Variants in SGK1 observed in about 807,000 individuals in gnomAD.
SGK1 encodes serine/threonine-protein kinase Sgk1.
Under a neutral mutation model 64.2 loss-of-function variants are expected in SGK1, and 26 were observed. That is an observed-to-expected ratio of 0.40 (90% confidence interval 0.30 to 0.56). The LOEUF is 0.56. SGK1 is among the 20% of genes least tolerant of loss of function. SGK1 has a pLI of 0.38. For synonymous variants in SGK1, 265 were observed against 239.7 expected (o/e 1.11, Z -0.98); for missense variants, 519 against 645.6 (o/e 0.80, Z 2.12).
chr6:134,253,649 T>C (rs1776638654), intron 2 of SGK1, among the ~76,000 whole-genome samples: 1 of 152,170 alleles, frequency 6.6e-6, no homozygotes, highest in East Asian at 1.9e-4. Context: ...TGAGACCTTG[T>C]CTCAAAAAAA....
intron 3 of SGK1, among the ~76,000 whole-genome samples, chr6:134,199,516 G>A (rs1424535248): frequency 1.2e-4 from 16 of 133,574 alleles, no homozygotes; most frequent in South Asian, 7.2e-4. Context: ...CTGAGATTGC[G>A]TCACTGCACT....
At position 134,316,656 on chromosome 6, in the gene SGK1, TGAA is replaced by T. The variant is rs1470468788; in HGVS notation, c.69+733_69+735del. 3.4e-5 allele frequency among the ~76,000 whole-genome samples: 5 copies of T among 147,228 alleles called. No individual in the cohort carries two copies. The East Asian group carries it at 1.0e-3, about 30-fold the overall frequency. On this transcript the variant is annotated intron_variant, in intron 1 of 13. Transcript: ENST00000367858. ...ATGCAACATTATTCATACTTTGAGT[TGAA>T]GAATAAGGAGTTTAAGAAATAAATG...
chr6:134,235,114 G>A lies in SGK1; in HGVS notation c.285+26819C>T, dbSNP rs548896935. Reference sequence around the variant, plus strand: ...TTATCATCGCTGAGTATAAAACAAGGGAAACAGGCTTGGTGTGTAGCATAA... The same window carrying A: ...TTATCATCGCTGAGTATAAAACAAGAGAAACAGGCTTGGTGTGTAGCATAA... On this transcript the variant is annotated intron_variant, in intron 2 of 13. Transcript: ENST00000367858. 3.9e-5 allele frequency among the ~76,000 whole-genome samples: 6 copies of A among 152,284 alleles called. 1 individual carries two copies. The highest frequency in any genetic ancestry group is 1.4e-4 in the African/African-American group (6 of 41,552).
chr6:134,252,764 A>G (rs899373852), intron 2 of SGK1, among the ~76,000 whole-genome samples: 14 of 152,242 alleles, frequency 9.2e-5, no homozygotes, highest in African/African-American at 3.1e-4. Context: ...TTAGTGAAAA[A>G]TAAGGACTAT....
chr6:134,183,685 G>A (rs923799607), intron 3 of SGK1, among the ~76,000 whole-genome samples: 23 of 152,102 alleles, frequency 1.5e-4, no homozygotes, highest in African/African-American at 5.6e-4. Flanking sequence ...AGTGAGGAAT[G>A]TGCTGGAAAG....
At position 134,204,482 on chromosome 6, in the gene SGK1, A is replaced by G. The variant is rs1775736259; in HGVS notation, c.361+2874T>C. On this transcript the variant is annotated intron_variant, in intron 3 of 13. Coordinates refer to ENST00000367858, the MANE Select transcript of SGK1 (RefSeq NM_001143676.3). ...AAGACTCCATCTCAGGAAAAAAAAA[A>G]AAAAAAAAGAGTAAGTCTGAAATAT... Among the ~76,000 whole-genome samples, 3 of 151,124 alleles carry G rather than the reference A, an allele frequency of 2.0e-5. No individual in the cohort carries two copies. In the South Asian group the frequency reaches 6.2e-4, roughly 31 times the overall value.
At chr6:134,221,567 C>T (rs897881497) in intron 2 of SGK1, among the ~76,000 whole-genome samples, 1 of 152,092 alleles carries the variant, frequency 6.6e-6, no homozygotes, top group African/African-American at 2.4e-5. Flanking sequence ...ATGACACTTA[C>T]CTCCTAATAA....
Position 134,252,650 on chromosome 6 carries a change from A to G in SGK1, c.285+9283T>C, listed in dbSNP as rs9373087. Reference sequence around the variant, plus strand: ...AAAAAAAAAAAAAAAAGCCGCAGACAGGATTGTAAGGTAATTTAAATCTAC... The same window carrying G: ...AAAAAAAAAAAAAAAAGCCGCAGACGGGATTGTAAGGTAATTTAAATCTAC... On this transcript the variant is annotated intron_variant, in intron 2 of 13. Transcript: ENST00000367858. Among the ~76,000 whole-genome samples the G allele has an allele frequency of 5.5e-3, 817 of 148,206 alleles. 18 individuals carry two copies. Among genetic ancestry groups the G allele is most frequent in the East Asian group, 0.05 (243 of 4,894 alleles).
intron 2 of SGK1, among the ~76,000 whole-genome samples, chr6:134,241,048 C>CT (rs10686058): frequency 0.29 from 21,075 of 73,552 alleles, 2,102 homozygotes; most frequent in East Asian, 0.49. Flanking sequence ...TTCTTTTTTT[C>CT]TTTTTTTTTT....
intron 3 of SGK1, chr6:134,175,603 C>CG: frequency 6.5e-7 from 1 of 1,549,070 alleles, no homozygotes; most frequent in Non-Finnish European, 8.7e-7. Context: ...CTTTTTGTGG[C>CG]GGGGCCGCAG....
intron 2 of SGK1, among the ~76,000 whole-genome samples, chr6:134,258,645 TAGTAAGCCGAGATCGCG>T (rs1776719322): frequency 6.6e-6 from 1 of 152,018 alleles, no homozygotes; most frequent in Non-Finnish European, 1.5e-5. Flanking sequence ...GCAGAGATTC[TAGTAAGCCGAGATCGCG>T]CCACTGCGCT....
At position 134,184,365 on chromosome 6, in the gene SGK1, C is replaced by T. The variant is rs139467957; in HGVS notation, c.362-9779G>A. Among the ~76,000 whole-genome samples, 1,096 of 151,438 alleles carry T rather than the reference C, an allele frequency of 7.2e-3. 37 individuals are homozygous for T. Among genetic ancestry groups the T allele is most frequent in the Admixed American group, 0.059 (903 of 15,180 alleles). ...AAAATATATACAAAAATTAGCTGGGCGTGGTGGTGCGCGCCTGTAGTCCCA... is the reference window on the plus strand; with the variant it reads ...AAAATATATACAAAAATTAGCTGGGTGTGGTGGTGCGCGCCTGTAGTCCCA... On this transcript the variant is annotated intron_variant, in intron 3 of 13. Coordinates refer to ENST00000367858, the MANE Select transcript of SGK1 (RefSeq NM_001143676.3).
chr6:134,207,292 A>T, intron 3 of SGK1, 64 bp downstream of exon 3: 1 of 1,020,926 alleles, frequency 9.8e-7, no homozygotes, highest in Non-Finnish European at 1.5e-6. Flanking sequence ...GCCTTTGTGT[A>T]GAGCTTTACT....
rs959675742 is a variant in SGK1 at position 134,175,656 on chromosome 6, C to G, written c.362-1070G>C. The G allele has an allele frequency of 2.7e-6, 4 of 1,507,672 alleles. No individual in the cohort carries two copies. In the African/African-American group the frequency reaches 5.7e-5, roughly 21 times the overall value. The allele number at this position is 1,507,672 out of a possible 1,614,324, so 93.4% of individuals were successfully genotyped here. On this transcript the variant is annotated intron_variant, in intron 3 of 13. Transcript: ENST00000367858. ...CTCTGGCCAGCGCGCCCTGCATCTC[C>G]CCCATGGGCAGCGGGCGGCGGGGCG...
chr6:134,211,349 C>A (rs1182503134), intron 2 of SGK1: 1 of 151,922 alleles, frequency 6.6e-6, no homozygotes, highest in Admixed American at 6.6e-5. Flanking sequence ...AGATGTAAGA[C>A]TGAAGGAAAA....
chr6:134,185,555 A>AGTGTGTGTGTGTGT (rs55653141), intron 3 of SGK1, among the ~76,000 whole-genome samples: 2,380 of 145,368 alleles, frequency 0.016, 31 homozygotes, highest in Non-Finnish European at 0.026. Flanking sequence ...TATCTCTATG[A>AGTGTGTGTGTGTGT]GTGTGTGTGT....
rs530395426 is a variant in SGK1, at chr6:134,252,327, T to A, written c.285+9606A>T. Among the ~76,000 whole-genome samples the A allele has an allele frequency of 4.6e-5, 7 of 152,300 alleles. No individual in the cohort carries two copies. In the East Asian group the frequency reaches 1.4e-3, roughly 29 times the overall value. Reference sequence around the variant, plus strand: ...GAGGAGAAGGATTTAGCTTCCTGGTTATCAGGCTCTCTGGCTGCTCACACA... The same window carrying A: ...GAGGAGAAGGATTTAGCTTCCTGGTAATCAGGCTCTCTGGCTGCTCACACA... On this transcript the variant is annotated intron_variant, in intron 2 of 13. Coordinates refer to ENST00000367858, the MANE Select transcript of SGK1 (RefSeq NM_001143676.3).
chr6:134,194,060 A>G (rs1216183665), intron 3 of SGK1, among the ~76,000 whole-genome samples: 1 of 151,976 alleles, frequency 6.6e-6, no homozygotes, highest in Non-Finnish European at 1.5e-5. Flanking sequence ...ATGAACCTCA[A>G]CATGCATATC....
intron 3 of SGK1, among the ~76,000 whole-genome samples, chr6:134,177,144 G>A (rs1390586337): frequency 6.6e-6 from 1 of 152,124 alleles, no homozygotes; most frequent in Non-Finnish European, 1.5e-5. Flanking sequence ...AACCCGGGAG[G>A]CGGAGGTTGC....
Sources: allele counts gnomAD v4.1 joint callset (sites outside exome capture counted in the v4.1 genomes callset), GRCh38; gene constraint gnomAD v4.1.1; transcripts MANE v1.5; gene names NCBI Gene and HGNC (gene_info 2026-07-23, HGNC 2026-07-21).